ARHGAP32: variants seen among roughly 807,000 people sequenced by gnomAD.
The protein encoded by ARHGAP32 is rho GTPase-activating protein 32.
Under a neutral mutation model 186.5 loss-of-function variants are expected in ARHGAP32, and 51 were observed. The ratio of observed to expected loss-of-function variants is 0.27; its 90% CI spans 0.22 to 0.35. ARHGAP32 has a LOEUF of 0.35. Among genes scored for constraint, ARHGAP32 ranks in the 10% least tolerant of loss-of-function variants. The pLI, the probability that ARHGAP32 is intolerant of heterozygous loss-of-function variation, is 1.00. For missense variants in ARHGAP32, 2,186 were observed against 2,623.5 expected (o/e 0.83, Z 3.64); for synonymous variants, 950 against 964.3 (o/e 0.99, Z 0.27).
At chr11:128,989,781 A>G (rs1184272383) in intron 12 of ARHGAP32, among the ~76,000 whole-genome samples, 1 of 150,624 alleles carries the variant, frequency 6.6e-6, no homozygotes, top group Admixed American at 6.6e-5. Flanking sequence ...TCATTGTTCA[A>G]CTCCCACTTA....
chr11:129,029,401 G>T (rs1385151495), intron 11 of ARHGAP32, among the ~76,000 whole-genome samples: 1 of 152,180 alleles, frequency 6.6e-6, no homozygotes, highest in Non-Finnish European at 1.5e-5. Context: ...CGCAGTCAGG[G>T]ATATGTAAGC....
rs149394360 is a variant in ARHGAP32, at chr11:129,153,549, A to G, written c.225+10770T>C. ...TATTTAAAAAAAGGCATGTAGACCAATGGAACAGAATAAAGAACCCAGAAA... is the reference window on the plus strand; with the variant it reads ...TATTTAAAAAAAGGCATGTAGACCAGTGGAACAGAATAAAGAACCCAGAAA... On this transcript the variant is annotated intron_variant, in intron 2 of 22. Coordinates refer to ENST00000682385, the MANE Select transcript of ARHGAP32 (RefSeq NM_001378024.1). 7.1e-4 allele frequency among the ~76,000 whole-genome samples: 108 copies of G among 152,278 alleles called. 3 individuals carry two copies. The East Asian group carries it at 0.02, about 28-fold the overall frequency.
At chr11:129,090,872 G>A (rs983047580) in intron 6 of ARHGAP32, among the ~76,000 whole-genome samples, 1 of 152,042 alleles carries the variant, frequency 6.6e-6, no homozygotes, top group Admixed American at 6.6e-5. Flanking sequence ...TATATCTACT[G>A]TGACATATTC....
chr11:129,270,201 A>G (rs1945457132), intron 1 of ARHGAP32, among the ~76,000 whole-genome samples: 1 of 152,222 alleles, frequency 6.6e-6, no homozygotes, highest in Non-Finnish European at 1.5e-5. Flanking sequence ...GAAATGAACA[A>G]TCAAGCCACG....
At chr11:128,988,973 GTTAA>G (rs1945958581) in intron 12 of ARHGAP32, among the ~76,000 whole-genome samples, 1 of 152,130 alleles carries the variant, frequency 6.6e-6, no homozygotes, top group African/African-American at 2.4e-5. Context: ...ATTTGATAGG[GTTAA>G]TTAAAATCCT....
intron 1 of ARHGAP32, among the ~76,000 whole-genome samples, chr11:129,222,371 G>A (rs1309546626): frequency 6.6e-6 from 1 of 152,080 alleles, no homozygotes; most frequent in Non-Finnish European, 1.5e-5. Context: ...CTTTCCCAAG[G>A]ACACAACGCT....
intron 1 of ARHGAP32, among the ~76,000 whole-genome samples, chr11:129,215,070 T>C (rs1944628705): frequency 6.6e-6 from 1 of 152,188 alleles, no homozygotes; most frequent in Non-Finnish European, 1.5e-5. Flanking sequence ...TCTACTCAGG[T>C]GTTAACAACT....
chr11:129,244,582 A>C (rs914173387), intron 1 of ARHGAP32, among the ~76,000 whole-genome samples: 13 of 152,002 alleles, frequency 8.6e-5, no homozygotes, highest in African/African-American at 2.9e-4. Context: ...GCAACAAAAG[A>C]CAAAATTGAC....
intron 1 of ARHGAP32, among the ~76,000 whole-genome samples, chr11:129,167,847 A>G (rs1275786474): frequency 1.3e-5 from 2 of 152,234 alleles, no homozygotes; most frequent in Non-Finnish European, 2.9e-5. Flanking sequence ...ACTGAATTGT[A>G]CACTTTAAAA....
chr11:129,050,941 G>T (rs529073316), intron 10 of ARHGAP32, among the ~76,000 whole-genome samples: 29 of 152,194 alleles, frequency 1.9e-4, no homozygotes, highest in Non-Finnish European at 2.5e-4. Context: ...GGTTTCCAGC[G>T]TCATCCATGT....
intron 1 of ARHGAP32, among the ~76,000 whole-genome samples, chr11:129,200,771 G>A (rs1944447162): frequency 2.0e-5 from 3 of 151,916 alleles, no homozygotes; most frequent in Non-Finnish European, 4.4e-5. Context: ...AACTATAGTA[G>A]TATACAGTAC....
intron 1 of ARHGAP32, among the ~76,000 whole-genome samples, chr11:129,207,003 T>G (rs1393041288): frequency 6.6e-6 from 1 of 152,030 alleles, no homozygotes; most frequent in African/African-American, 2.4e-5. Flanking sequence ...GAACATGTAG[T>G]GTTTGGTTTT....
intron 12 of ARHGAP32, among the ~76,000 whole-genome samples, chr11:128,992,153 T>C (rs1342981214): frequency 1.3e-5 from 2 of 152,150 alleles, no homozygotes; most frequent in Non-Finnish European, 2.9e-5. Context: ...CCTTGCTTTT[T>C]CCTACTGTGC....
intron 1 of ARHGAP32, among the ~76,000 whole-genome samples, chr11:129,276,956 T>C (rs753250831): frequency 1.1e-4 from 17 of 152,212 alleles, no homozygotes; most frequent in Admixed American, 4.6e-4. Context: ...TCCATGGACA[T>C]TGGACTTCAC....
chr11:129,177,296 T>C (rs1053932501), intron 1 of ARHGAP32, among the ~76,000 whole-genome samples: 19 of 152,006 alleles, frequency 1.2e-4, no homozygotes, highest in Non-Finnish European at 2.5e-4. Context: ...CAATAATCAA[T>C]AGCTTACCAA....
chr11:129,250,687 T>C (rs1334598412), intron 1 of ARHGAP32, among the ~76,000 whole-genome samples: 1 of 152,234 alleles, frequency 6.6e-6, no homozygotes, highest in African/African-American at 2.4e-5. Context: ...TCTCACTTTC[T>C]ATCCTGTAGC....
chr11:129,168,079 T>TA (rs796728435), intron 1 of ARHGAP32, among the ~76,000 whole-genome samples: 33 of 150,242 alleles, frequency 2.2e-4, no homozygotes, highest in Admixed American at 4.0e-4. Context: ...ACCCCATCTG[T>TA]AAAAAAAAAT....
intron 5 of ARHGAP32, among the ~76,000 whole-genome samples, chr11:129,102,198 G>A (rs1941918740): frequency 6.6e-6 from 1 of 152,158 alleles, no homozygotes; most frequent in South Asian, 2.1e-4. Flanking sequence ...GCTCCTGAAG[G>A]AAGCACTAAA....
In ARHGAP32 at chr11:129,221,511, GTGTGTGTGTGTGTGTGTGTGTGTT is replaced by G. The variant is rs1291501710; in HGVS notation, c.-4-57108_-4-57085del. Among the ~76,000 whole-genome samples the G allele has an allele frequency of 6.2e-5, 9 of 144,930 alleles. No individual in the cohort carries two copies. In the East Asian group the frequency reaches 1.0e-3, roughly 16 times the overall value. On this transcript the variant is annotated intron_variant, in intron 1 of 6. Transcript: ENST00000525234. ...TGTGTGTGTGTGTGTGTGTGTGTGT[GTGTGTGTGTGTGTGTGTGTGTGTT>G]TATGGTAAAAATTCATAGGCAGCAG... is the stretch of plus-strand genomic sequence containing the variant.
Sources: gnomAD v4.1 joint callset for allele counts (sites outside exome capture counted in the v4.1 genomes callset) on GRCh38, gnomAD v4.1.1 for gene constraint, MANE v1.5 for transcripts, NCBI Gene and HGNC (gene_info 2026-07-23, HGNC 2026-07-21) for gene names.